NRXN1: variants seen among roughly 807,000 people sequenced by gnomAD.
The protein encoded by NRXN1 is neurexin-1.
A neutral mutation model predicts 150.9 loss-of-function variants in NRXN1; 39 were observed. The ratio of observed to expected loss-of-function variants is 0.26; its 90% CI spans 0.20 to 0.34. NRXN1 has a LOEUF of 0.34. NRXN1 is among the 10% of genes least tolerant of loss of function. The pLI is 1.00. For missense variants in NRXN1, 1,815 were observed against 1,949.9 expected (o/e 0.93, Z 1.30); for synonymous variants, 924 against 757.0 (o/e 1.22, Z -3.62).
At chr2:50,772,030 A>T (rs1461814568) in intron 5 of NRXN1, among the ~76,000 whole-genome samples, 1 of 152,092 alleles carries the variant, frequency 6.6e-6, no homozygotes, top group Non-Finnish European at 1.5e-5. Context: ...CAAAATATCT[A>T]GTACAGACAT....
intron 2 of NRXN1, among the ~76,000 whole-genome samples, chr2:50,973,632 C>T (rs1017138934): frequency 2.0e-5 from 3 of 151,850 alleles, no homozygotes; most frequent in Admixed American, 6.6e-5. Flanking sequence ...GACACTCAAG[C>T]GACAAATAAA....
At chr2:50,043,556 T>C (rs1691339467) in intron 21 of NRXN1, among the ~76,000 whole-genome samples, 1 of 152,208 alleles carries the variant, frequency 6.6e-6, no homozygotes, top group African/African-American at 2.4e-5. Flanking sequence ...GAAACTTATA[T>C]TCCCTTTGGA....
At chr2:50,064,820 T>C (rs1198207979) in intron 19 of NRXN1, among the ~76,000 whole-genome samples, 1 of 152,164 alleles carries the variant, frequency 6.6e-6, no homozygotes, top group Non-Finnish European at 1.5e-5. Context: ...AGTTGAAGCT[T>C]ATAAAGTCAG....
chr2:50,105,859 T>A (rs565504407), intron 18 of NRXN1, among the ~76,000 whole-genome samples: 1 of 152,108 alleles, frequency 6.6e-6, no homozygotes, highest in East Asian at 1.9e-4. Flanking sequence ...CATACATAGT[T>A]TATATGGTTT....
At chr2:50,606,552 T>C (rs1462127563) in intron 8 of NRXN1, among the ~76,000 whole-genome samples, 5 of 151,102 alleles carry the variant, frequency 3.3e-5, no homozygotes, top group Non-Finnish European at 5.9e-5. Context: ...AACAATACTA[T>C]ATTGCACATT....
At chr2:50,166,955 C>T (rs866153175) in intron 18 of NRXN1, among the ~76,000 whole-genome samples, 7 of 152,150 alleles carry the variant, frequency 4.6e-5, no homozygotes, top group South Asian at 2.1e-4. Flanking sequence ...GATGGAGGCT[C>T]GGCACCAATA....
chr2:50,412,191 C>T (rs1013986502), intron 17 of NRXN1, among the ~76,000 whole-genome samples: 154 of 152,132 alleles, frequency 1.0e-3, no homozygotes, highest in African/African-American at 3.4e-3. Context: ...CGGCAGGGCC[C>T]TCTGCCTAGG....
intron 17 of NRXN1, among the ~76,000 whole-genome samples, chr2:50,349,396 C>T (rs897454543): frequency 6.6e-6 from 1 of 152,090 alleles, no homozygotes; most frequent in Non-Finnish European, 1.5e-5. Flanking sequence ...TAACAAGAGT[C>T]GTGATTATTC....
At chr2:50,322,556 G>A (rs1310049284) in intron 17 of NRXN1, among the ~76,000 whole-genome samples, 1 of 152,160 alleles carries the variant, frequency 6.6e-6, no homozygotes, top group Non-Finnish European at 1.5e-5. Flanking sequence ...AAGTATGAAA[G>A]TTCTCTAATC....
intron 22 of NRXN1, among the ~76,000 whole-genome samples, chr2:49,939,128 C>T (rs973459298): frequency 6.6e-6 from 1 of 152,058 alleles, no homozygotes; most frequent in African/African-American, 2.4e-5. Context: ...TTATTTTGAG[C>T]AAAACATTTT....
chr2:50,093,068 T>C (rs922244142), intron 18 of NRXN1, among the ~76,000 whole-genome samples: 7 of 152,106 alleles, frequency 4.6e-5, no homozygotes, highest in Admixed American at 2.0e-4. Flanking sequence ...CAAAAAGTAA[T>C]TCTGTTAAAA....
chr2:50,524,282 G>A (rs956159195), intron 12 of NRXN1, among the ~76,000 whole-genome samples: 2 of 151,868 alleles, frequency 1.3e-5, no homozygotes, highest in Non-Finnish European at 2.9e-5. Context: ...AGTTCGAGAC[G>A]AGCCCGGCCA....
intron 21 of NRXN1, among the ~76,000 whole-genome samples, chr2:50,038,116 G>A (rs1690330044): frequency 6.6e-6 from 1 of 152,186 alleles, no homozygotes; most frequent in Non-Finnish European, 1.5e-5. Context: ...GAAACAGTGA[G>A]AGCGAATCTG....
At chr2:50,274,060 T>C (rs1037260218) in intron 17 of NRXN1, among the ~76,000 whole-genome samples, 1 of 152,130 alleles carries the variant, frequency 6.6e-6, no homozygotes, top group African/African-American at 2.4e-5. Context: ...CATTCTACTA[T>C]GAGGACACAT....
chr2:50,223,926 G>A (rs2064120659), intron 18 of NRXN1, among the ~76,000 whole-genome samples: 1 of 151,822 alleles, frequency 6.6e-6, no homozygotes, highest in South Asian at 2.1e-4. Context: ...TCACACATAA[G>A]GCCAATACCC....
At chr2:50,089,156 AG>A (rs1369227724) in intron 19 of NRXN1, among the ~76,000 whole-genome samples, 2 of 152,234 alleles carry the variant, frequency 1.3e-5, no homozygotes, top group African/African-American at 4.8e-5. Flanking sequence ...AATAAGCTCT[AG>A]GTAAAGATAC....
chr2:50,182,101 A>G (rs2060761420), intron 18 of NRXN1, among the ~76,000 whole-genome samples: 1 of 134,032 alleles, frequency 7.5e-6, no homozygotes, highest in Non-Finnish European at 1.5e-5. Context: ...CTTCTTAAAA[A>G]TTCATTATCC....
rs77723368 is a variant in NRXN1, at chr2:50,469,873, A to T, written c.3244+2425T>A. 8.2e-3 allele frequency among the ~76,000 whole-genome samples: 1,249 copies of T among 151,454 alleles called. 11 individuals carry two copies. The highest frequency in any genetic ancestry group is 0.029 in the African/African-American group (1,201 of 41,374). On this transcript the variant is annotated intron_variant, in intron 16 of 22. Coordinates refer to ENST00000401669, the MANE Select transcript of NRXN1 (RefSeq NM_001330078.2). ...GTTCAAATGTTCAAATAATAGTTTA[A>T]TGTGTAACTAATCATCTTAACCAAA...
At chr2:50,191,002 A>G (rs1488855910) in intron 18 of NRXN1, among the ~76,000 whole-genome samples, 1 of 151,892 alleles carries the variant, frequency 6.6e-6, no homozygotes, top group Non-Finnish European at 1.5e-5. Context: ...AGTTGTGAAA[A>G]TGTACCAGAA....
Sources: gnomAD v4.1 joint callset for allele counts (sites outside exome capture counted in the v4.1 genomes callset) on GRCh38, gnomAD v4.1.1 for gene constraint, MANE v1.5 for transcripts, NCBI Gene and HGNC (gene_info 2026-07-23, HGNC 2026-07-21) for gene names.